Variants in ILRUN observed in about 807,000 individuals in gnomAD.
ILRUN encodes the protein inflammation and lipid regulator with UBA-like and NBR1-like domains.
ILRUN carries 3 observed loss-of-function variants against 33.8 expected under a neutral mutation model. The observed-to-expected ratio is 0.09, with a 90% CI of 0.04 to 0.23. ILRUN has a LOEUF of 0.23. ILRUN is among the 10% of genes least tolerant of loss of function. The probability of loss-of-function intolerance (pLI) is 1.00; values close to 1 mark genes in which losing one functional copy is unlikely to be tolerated. For missense variants in ILRUN, 210 were observed against 375.1 expected (o/e 0.56, Z 3.64); for synonymous variants, 124 against 138.9 (o/e 0.89, Z 0.75).
chr6:34,633,467 A>G (rs1762287823), intron 3 of ILRUN, among the ~76,000 whole-genome samples: 1 of 152,232 alleles, frequency 6.6e-6, no homozygotes, highest in Admixed American at 6.5e-5. Flanking sequence ...CACTCAACTC[A>G]GCAAAATACA....
chr6:34,651,966 G>A (rs1308942459), intron 2 of ILRUN, among the ~76,000 whole-genome samples: 4 of 151,720 alleles, frequency 2.6e-5, no homozygotes, highest in Non-Finnish European at 4.4e-5. Context: ...CTAATTTTTT[G>A]TATTTTTAGT....
intron 2 of ILRUN, among the ~76,000 whole-genome samples, chr6:34,648,359 T>TG (rs1051064303): frequency 6.6e-6 from 1 of 152,182 alleles, no homozygotes; most frequent in Admixed American, 6.5e-5. Flanking sequence ...GGCTCACTAC[T>TG]GGAAAGAAAC....
chr6:34,588,011 A>G lies in ILRUN; in HGVS notation c.*2554T>C. ...GGACTATTGGGGCTGAGAGGTAGCC[A>G]CTACCACCCCACTAGGCAGGGGAGC... On this transcript the variant is annotated 3_prime_UTR_variant, in exon 5 of 5. Transcript: ENST00000374023. The G allele has an allele frequency of 2.5e-6, 1 of 398,600 alleles. No homozygotes were observed. Among genetic ancestry groups the G allele is most frequent in the Non-Finnish European group, 4.4e-6 (1 of 226,156 alleles). 24.7% of individuals were successfully genotyped at this position (398,600 alleles called of 1,614,324 possible).
intron 3 of ILRUN, among the ~76,000 whole-genome samples, chr6:34,621,499 C>G (rs1762011858): frequency 1.3e-5 from 2 of 151,968 alleles, no homozygotes; most frequent in African/African-American, 4.8e-5. Context: ...ATCACTAAGG[C>G]TAAAAAATTT....
chr6:34,623,524 AAAAAGCATAATCT>A (rs1203727838), intron 3 of ILRUN, among the ~76,000 whole-genome samples: 1 of 152,212 alleles, frequency 6.6e-6, no homozygotes, highest in Non-Finnish European at 1.5e-5. Flanking sequence ...AGCCTACGAA[AAAAAGCATAATCT>A]GAGTGGGTAA....
chr6:34,614,431 T>TAA (rs869049658), intron 3 of ILRUN, among the ~76,000 whole-genome samples: 3 of 113,968 alleles, frequency 2.6e-5, no homozygotes, highest in Non-Finnish European at 5.5e-5. Context: ...CAAAAAATAA[T>TAA]AAAAAAAAAA....
rs574119669 is a variant in ILRUN at position 34,696,750 on chromosome 6, T to A, written c.-147A>T. 6 of 650,946 alleles carry A rather than the reference T, an allele frequency of 9.2e-6. No individual in the cohort carries two copies. In the East Asian group the frequency reaches 1.3e-4, roughly 14 times the overall value. The allele number at this position is 650,946 out of a possible 1,614,324, so 40.3% of individuals were successfully genotyped here. The stretch of plus-strand genomic sequence containing the variant: ...AGGCCCCGGGCCTCTCACAGTCTCA[T>A]AGGGGTAAACTCACTCTGCCACTCA... On this transcript the variant is annotated 5_prime_UTR_variant, in exon 1 of 5. An upstream start codon of the reference 5' UTR is lost. Transcript: ENST00000374023.
At position 34,588,128 on chromosome 6, in the gene ILRUN, T is replaced by C. The variant is rs1761230416; in HGVS notation, c.*2437A>G. On this transcript the variant is annotated 3_prime_UTR_variant, in exon 5 of 5. Coordinates refer to ENST00000374023, the MANE Select transcript of ILRUN (RefSeq NM_024294.4). ...TACCCTCCCTGGGCTGGGGAAGCCA[T>C]GGACCCCTCTGCCTGCACTCCATGA... The C allele has an allele frequency of 7.5e-6, 3 of 398,730 alleles. No individual in the cohort carries two copies. The highest frequency in any genetic ancestry group is 2.1e-5 in the African/African-American group (1 of 48,642). The allele number at this position is 398,730 out of a possible 1,614,324, so 24.7% of individuals were successfully genotyped here. A position where few individuals can be genotyped will look rare whatever the true frequency, so the allele number is the denominator to read the frequency against.
intron 3 of ILRUN, among the ~76,000 whole-genome samples, chr6:34,636,029 G>A (rs1222383434): frequency 6.6e-6 from 1 of 152,144 alleles, no homozygotes; most frequent in African/African-American, 2.4e-5. Context: ...AGGCGAAGAG[G>A]AAGAATTGCT....
At chr6:34,687,706 A>AT (rs1394433409) in intron 1 of ILRUN, among the ~76,000 whole-genome samples, 3 of 142,356 alleles carry the variant, frequency 2.1e-5, no homozygotes, top group African/African-American at 8.2e-5. Context: ...TCCAAAAAAA[A>AT]AAATATATAT....
At chr6:34,647,881 C>T (rs1446090039) in intron 2 of ILRUN, among the ~76,000 whole-genome samples, 3 of 151,960 alleles carry the variant, frequency 2.0e-5, no homozygotes, top group African/African-American at 7.3e-5. Flanking sequence ...GCATTTTTAG[C>T]ATAGATGGGG....
At chr6:34,605,200 G>A (rs949113376) in intron 4 of ILRUN, among the ~76,000 whole-genome samples, 25 of 151,948 alleles carry the variant, frequency 1.6e-4, no homozygotes, top group African/African-American at 3.9e-4. Context: ...CAGCTACTCC[G>A]GAGGCTGAGG....
At chr6:34,670,994 T>C (rs370399731) in intron 1 of ILRUN, among the ~76,000 whole-genome samples, 3 of 152,180 alleles carry the variant, frequency 2.0e-5, no homozygotes, top group East Asian at 1.9e-4. Flanking sequence ...GATGAGCACA[T>C]TGATCCCTAA....
In ILRUN at chr6:34,587,808, A is replaced by C; in HGVS notation, c.*2757T>G. ...CACACGTGCACATCCATCCACACAC[A>C]CACACCTCACTCCATGCACACTGAC... is the stretch of plus-strand genomic sequence containing the variant. On this transcript the variant is annotated 3_prime_UTR_variant, in exon 5 of 5. Transcript: ENST00000374023. 1 of 377,054 alleles carries C rather than the reference A, an allele frequency of 2.7e-6. No homozygotes were observed. Among genetic ancestry groups the C allele is most frequent in the South Asian group, 1.5e-4 (1 of 6,848 alleles). The allele number at this position is 377,054 out of a possible 1,614,324, so 23.4% of individuals were successfully genotyped here.
At chr6:34,683,399 C>CATATATACAT in intron 1 of ILRUN, among the ~76,000 whole-genome samples, 2 of 111,160 alleles carry the variant, frequency 1.8e-5, no homozygotes, top group East Asian at 3.1e-4. Flanking sequence ...TATATATGCA[C>CATATATACAT]ATATATACAT....
chr6:34,679,135 T>C (rs1238362803), intron 1 of ILRUN, among the ~76,000 whole-genome samples: 1 of 85,722 alleles, frequency 1.2e-5, no homozygotes, highest in Non-Finnish European at 2.5e-5. Context: ...GAATCTAAAA[T>C]AAAAATTGGG....
chr6:34,651,788 AC>A (rs1562018523), intron 2 of ILRUN, among the ~76,000 whole-genome samples: 11 of 138,296 alleles, frequency 8.0e-5, no homozygotes, highest in African/African-American at 3.1e-4. Flanking sequence ...ATTCCAAAAA[AC>A]TTTTTTTTTT....
chr6:34,686,139 G>C (rs1763511266), intron 1 of ILRUN, among the ~76,000 whole-genome samples: 1 of 152,102 alleles, frequency 6.6e-6, no homozygotes, highest in Non-Finnish European at 1.5e-5. Flanking sequence ...TGAAAAGACA[G>C]CCTACAGAAT....
intron 3 of ILRUN, among the ~76,000 whole-genome samples, chr6:34,619,336 G>A (rs929506720): frequency 1.1e-4 from 17 of 151,800 alleles, no homozygotes; most frequent in Non-Finnish European, 1.2e-4. Context: ...CTGTATCACA[G>A]AAGAAATGAA....
Sources: allele counts gnomAD v4.1 joint callset (sites outside exome capture counted in the v4.1 genomes callset), GRCh38; gene constraint gnomAD v4.1.1; transcripts MANE v1.5; gene names NCBI Gene and HGNC (gene_info 2026-07-23, HGNC 2026-07-21).